The following ROBO2 variants were observed in gnomAD, a reference collection of about 807,000 sequenced individuals.
ROBO2 encodes roundabout guidance receptor 2, also known as roundabout homolog 2.
ROBO2 carries 53 observed loss-of-function variants against 160.8 expected under a neutral mutation model. The ratio of observed to expected loss-of-function variants is 0.33; its 90% confidence interval spans 0.26 to 0.41. The LOEUF (loss-of-function observed/expected upper bound fraction) is 0.41, where lower values mean the gene tolerates loss of function less well. Among genes scored for constraint, ROBO2 ranks in the 10% least tolerant of loss-of-function variants. The pLI is 1.00. For missense variants in ROBO2, 1,577 were observed against 1,722.4 expected (o/e 0.92, Z 1.49); for synonymous variants, 664 against 611.7 (o/e 1.09, Z -1.26).
At chr3:77,353,330 C>A (rs112197287) in intron 2 of ROBO2, among the ~76,000 whole-genome samples, 1,664 of 152,186 alleles carry the variant, frequency 0.011, 17 homozygotes, top group Middle Eastern at 0.017. Context: ...ATTATATCAC[C>A]GTTCCTTGTT....
At chr3:77,547,527 G>A (rs764231939) in intron 7 of ROBO2, among the ~76,000 whole-genome samples, 11 of 152,088 alleles carry the variant, frequency 7.2e-5, no homozygotes, top group Non-Finnish European at 1.6e-4. Flanking sequence ...GCTTACATGT[G>A]TTTATCTGCA....
At chr3:76,049,383 G>GTGTGTATATATATATA (rs1440395230) in intron 2 of ROBO2, among the ~76,000 whole-genome samples, 2 of 36,806 alleles carry the variant, frequency 5.4e-5, no homozygotes, top group African/African-American at 2.3e-4. Context: ...GCTAATTTTA[G>GTGTGTATATATATATA]TATATATATA....
chr3:77,574,773 C>T, intron 14 of ROBO2, 43 bp downstream of exon 15: 1 of 1,433,902 alleles, frequency 7.0e-7, no homozygotes, highest in Non-Finnish European at 9.8e-7. Flanking sequence ...ATGATGAAAC[C>T]AATTTCTGTT....
intron 2 of ROBO2, among the ~76,000 whole-genome samples, chr3:76,034,403 C>T (rs529796365): frequency 6.6e-6 from 1 of 152,058 alleles, no homozygotes; most frequent in African/African-American, 2.4e-5. Flanking sequence ...TTTTTCTCCC[C>T]GTGTGAAATA....
intron 6 of ROBO2, among the ~76,000 whole-genome samples, chr3:77,541,384 A>T (rs886789584): frequency 2.6e-5 from 4 of 152,212 alleles, no homozygotes; most frequent in Non-Finnish European, 5.9e-5. Flanking sequence ...TCTCACCAGC[A>T]GGCATTAGCA....
intron 2 of ROBO2, among the ~76,000 whole-genome samples, chr3:76,293,574 A>T (rs2107711684): frequency 6.6e-6 from 1 of 152,348 alleles, no homozygotes; most frequent in Non-Finnish European, 1.5e-5. Context: ...GTATAATCAG[A>T]CAGGGAGTAG....
chr3:77,254,135 G>A lies in ROBO2; in HGVS notation c.388+155795G>A, dbSNP rs371774294. Among the ~76,000 whole-genome samples the A allele has an allele frequency of 3.9e-5, 6 of 152,278 alleles. No homozygotes were observed. In the South Asian group the frequency reaches 1.0e-3, roughly 26 times the overall value. ...ATAAATATGTAAATTAGCCAGGTATGGTGGTGCACCTGTGGTCTTAGCTAC... is the reference window on the plus strand; with the variant it reads ...ATAAATATGTAAATTAGCCAGGTATAGTGGTGCACCTGTGGTCTTAGCTAC... On this transcript the variant is annotated intron_variant, in intron 2 of 25. Coordinates refer to ENST00000461745, the Ensembl canonical transcript of ROBO2.
intron 2 of ROBO2, among the ~76,000 whole-genome samples, chr3:77,394,445 A>G (rs949779974): frequency 3.9e-5 from 6 of 152,204 alleles, no homozygotes; most frequent in African/African-American, 1.4e-4. Context: ...TTGAACTACT[A>G]TTAAAAAAAA....
chr3:76,167,988 C>G (rs543249270), intron 2 of ROBO2, among the ~76,000 whole-genome samples: 2 of 152,230 alleles, frequency 1.3e-5, no homozygotes, highest in East Asian at 3.9e-4. Flanking sequence ...GGGCCCTGCT[C>G]GTTCAGTGTG....
At chr3:76,297,865 T>C (rs934803851) in intron 2 of ROBO2, among the ~76,000 whole-genome samples, 5 of 152,136 alleles carry the variant, frequency 3.3e-5, no homozygotes, top group Non-Finnish European at 5.9e-5. Context: ...GTGAATGCTG[T>C]AACATGCATT....
chr3:77,622,445 A>G lies in ROBO2; in HGVS notation c.3760+13A>G. On this transcript the variant is annotated intron_variant, in intron 23 of 25. Coordinates refer to ENST00000461745, the Ensembl canonical transcript of ROBO2. ...AGCTCTGTGACAGGTAACGGAACCAATTTAATAGGAAAAACTGACCTATTG... is the reference window on the plus strand; with the variant it reads ...AGCTCTGTGACAGGTAACGGAACCAGTTTAATAGGAAAAACTGACCTATTG... 1 of 1,613,158 alleles carries G rather than the reference A, an allele frequency of 6.2e-7. No homozygotes were observed. Among genetic ancestry groups the G allele is most frequent in the Non-Finnish European group, 8.5e-7 (1 of 1,179,262 alleles).
intron 2 of ROBO2, among the ~76,000 whole-genome samples, chr3:76,358,258 A>G (rs1393227379): frequency 1.3e-5 from 2 of 151,904 alleles, no homozygotes; most frequent in African/African-American, 4.8e-5. Context: ...CCCACTCCAA[A>G]AAGGACACCA....
intron 1 of ROBO2, among the ~76,000 whole-genome samples, chr3:75,923,956 T>G (rs1357503255): frequency 6.6e-6 from 1 of 152,206 alleles, no homozygotes; most frequent in Non-Finnish European, 1.5e-5. Flanking sequence ...CTGTGCACAA[T>G]GTGTTAGCAT....
chr3:77,486,020 G>C (rs1419699357), intron 4 of ROBO2, among the ~76,000 whole-genome samples: 1 of 152,178 alleles, frequency 6.6e-6, no homozygotes, highest in Admixed American at 6.6e-5. Flanking sequence ...TTATAAGTAA[G>C]AACACGCAGT....
At chr3:76,534,169 G>A (rs1206676559) in intron 2 of ROBO2, among the ~76,000 whole-genome samples, 1 of 152,020 alleles carries the variant, frequency 6.6e-6, no homozygotes, top group Non-Finnish European at 1.5e-5. Context: ...GCGTAACCAG[G>A]GACTGTGTGG....
At position 76,839,536 on chromosome 3, in the gene ROBO2, T is replaced by A. The variant is rs5745843; in HGVS notation, c.110-258478T>A. On this transcript the variant is annotated intron_variant, in intron 2 of 26. Coordinates refer to the ROBO2 transcript ENST00000487694. Reference sequence around the variant, plus strand: ...AATCCCATTTGGTCATGATAAATGATCTTTTTAGTGTATTGTCGAATTCAT... The same window carrying A: ...AATCCCATTTGGTCATGATAAATGAACTTTTTAGTGTATTGTCGAATTCAT... Among the ~76,000 whole-genome samples the A allele has an allele frequency of 5.7e-3, 867 of 152,330 alleles. 38 individuals are homozygous for A. Among genetic ancestry groups the A allele is most frequent in the Admixed American group, 0.045 (690 of 15,296 alleles).
chr3:76,671,052 T>C lies in ROBO2; in HGVS notation c.110-426962T>C, dbSNP rs142428250. Among the ~76,000 whole-genome samples, 9 of 152,050 alleles carry C rather than the reference T, an allele frequency of 5.9e-5. No homozygotes were observed. The East Asian group carries it at 1.6e-3, about 26-fold the overall frequency. The stretch of plus-strand genomic sequence containing the variant: ...TCCTGTTGGAGAAATTAGCAACAAA[T>C]AAATGAAAACTTAACAGTACTTTAA... On this transcript the variant is annotated intron_variant, in intron 2 of 26. Transcript: ENST00000487694.
chr3:77,478,708 T>A (rs2084329292), intron 3 of ROBO2, among the ~76,000 whole-genome samples: 1 of 152,162 alleles, frequency 6.6e-6, no homozygotes, highest in Non-Finnish European at 1.5e-5. Context: ...GCCATTTTAA[T>A]AAAAAAACTA....
chr3:77,504,416 C>CAAAAAAA (rs60117495), intron 5 of ROBO2, among the ~76,000 whole-genome samples: 1 of 142,678 alleles, frequency 7.0e-6, no homozygotes, highest in African/African-American at 2.6e-5. Context: ...CAGTGCTTCT[C>CAAAAAAA]AAAAAAAAAA....
Sources: allele counts gnomAD v4.1 joint callset (sites outside exome capture counted in the v4.1 genomes callset), GRCh38; gene constraint gnomAD v4.1.1; transcripts MANE v1.5; gene names NCBI Gene and HGNC (gene_info 2026-07-23, HGNC 2026-07-21).